APBA1: variants seen among roughly 807,000 people sequenced by gnomAD.
APBA1 encodes amyloid beta precursor protein binding family A member 1.
A neutral mutation model predicts 86.6 loss-of-function variants in APBA1; 55 were observed. That is an observed-to-expected ratio of 0.64 (90% CI 0.51 to 0.80). The LOEUF is 0.80. APBA1 is among the 30% of genes least tolerant of loss of function. APBA1 has a pLI of 0.00. For missense variants in APBA1, 1,090 were observed against 1,183.0 expected, an observed-to-expected ratio of 0.92 and a Z score of 1.15; for synonymous variants, 511 against 493.9, an observed-to-expected ratio of 1.03 and a Z score of -0.46.
At chr9:69,599,495 A>G (rs1288711263) in intron 1 of APBA1, among the ~76,000 whole-genome samples, 2 of 152,196 alleles carry the variant, frequency 1.3e-5, no homozygotes, top group African/African-American at 4.8e-5. Flanking sequence ...ACACTCTCAC[A>G]TACTCCCTCC....
intron 1 of APBA1, among the ~76,000 whole-genome samples, chr9:69,588,740 C>T (rs1822071458): frequency 6.6e-6 from 1 of 152,158 alleles, no homozygotes; most frequent in Non-Finnish European, 1.5e-5. Flanking sequence ...TATCATATGG[C>T]AGGCATTATG....
intron 1 of APBA1, among the ~76,000 whole-genome samples, chr9:69,607,407 G>A (rs1822497702): frequency 6.6e-6 from 1 of 151,994 alleles, no homozygotes; most frequent in Non-Finnish European, 1.5e-5. Flanking sequence ...CTCCCACCAG[G>A]TCCCTCCCAT....
At chr9:69,485,491 A>T (rs1431907392) in intron 2 of APBA1, among the ~76,000 whole-genome samples, 2 of 152,122 alleles carry the variant, frequency 1.3e-5, no homozygotes, top group African/African-American at 4.8e-5. Flanking sequence ...ATGAAATGTG[A>T]TAGAAAAAGT....
chr9:69,634,430 G>T (rs1823114158), intron 1 of APBA1, among the ~76,000 whole-genome samples: 1 of 152,118 alleles, frequency 6.6e-6, no homozygotes, highest in Admixed American at 6.6e-5. Context: ...AGTGTTCTGA[G>T]GTCCTAAATA....
chr9:69,530,329 TACACAC>T (rs1215038586), intron 1 of APBA1, among the ~76,000 whole-genome samples: 3,498 of 127,426 alleles, frequency 0.027, 110 homozygotes, highest in African/African-American at 0.085. Flanking sequence ...TATATATATA[TACACAC>T]ACACACACAC....
chr9:69,463,479 A>G (rs529184938), intron 5 of APBA1: 19 of 152,344 alleles, frequency 1.2e-4, no homozygotes, highest in Admixed American at 5.9e-4. Context: ...CAAAACCCCA[A>G]GTCCAAATCC....
chr9:69,449,983 G>C (rs770525021), intron 9 of APBA1, among the ~76,000 whole-genome samples, 187 bp from the exon 10 acceptor site: 3 of 149,712 alleles, frequency 2.0e-5, no homozygotes, highest in Admixed American at 6.7e-5. Flanking sequence ...ATTCACACAG[G>C]TCTACACTCT....
At chr9:69,444,413 G>A (rs762626491) in intron 10 of APBA1, among the ~76,000 whole-genome samples, 2 of 152,214 alleles carry the variant, frequency 1.3e-5, no homozygotes, top group African/African-American at 2.4e-5. Context: ...ACAGCCTGGT[G>A]AAGAGGACTC....
At chr9:69,571,639 T>C (rs764781168) in intron 1 of APBA1, among the ~76,000 whole-genome samples, 1 of 152,248 alleles carries the variant, frequency 6.6e-6, no homozygotes, top group African/African-American at 2.4e-5. Context: ...CTATAACAAA[T>C]ATTTATCATT....
intron 1 of APBA1, among the ~76,000 whole-genome samples, chr9:69,591,007 A>G (rs942952374): frequency 5.3e-5 from 8 of 152,202 alleles, no homozygotes; most frequent in African/African-American, 1.7e-4. Context: ...CACTGTTGCC[A>G]TGACTCCAAG....
intron 5 of APBA1, among the ~76,000 whole-genome samples, chr9:69,466,373 G>A (rs567646801): frequency 1.2e-4 from 19 of 152,314 alleles, no homozygotes; most frequent in Middle Eastern, 3.4e-3. Context: ...CGTGACTAAC[G>A]TAAGAATCAG....
chr9:69,636,922 G>A (rs11139555), intron 1 of APBA1, among the ~76,000 whole-genome samples: 136 of 63,890 alleles, frequency 2.1e-3, no homozygotes, highest in Middle Eastern at 7.9e-3. Flanking sequence ...AAGGAAGGAA[G>A]GAAAGAAAGA....
intron 11 of APBA1, among the ~76,000 whole-genome samples, chr9:69,440,216 G>A (rs926075545): frequency 2.0e-5 from 3 of 152,198 alleles, no homozygotes; most frequent in African/African-American, 7.2e-5. Flanking sequence ...TCCCAGTTAG[G>A]CTACTCAGGG....
intron 2 of APBA1, among the ~76,000 whole-genome samples, chr9:69,499,608 A>G (rs1835850525): frequency 6.6e-6 from 1 of 151,504 alleles, no homozygotes; most frequent in Admixed American, 6.6e-5. Flanking sequence ...GGCTCTAACA[A>G]GTCTTAATGA....
chr9:69,522,486 C>T (rs1836269044), intron 1 of APBA1, among the ~76,000 whole-genome samples: 1 of 152,150 alleles, frequency 6.6e-6, no homozygotes, highest in South Asian at 2.1e-4. Context: ...CAACATTCTC[C>T]TGCATCTGAG....
intron 2 of APBA1, among the ~76,000 whole-genome samples, chr9:69,497,746 C>A (rs543276660): frequency 6.6e-6 from 1 of 152,200 alleles, no homozygotes; most frequent in East Asian, 1.9e-4. Context: ...CTGACATAGC[C>A]CCCTGCACCA....
At chr9:69,658,241 T>C (rs1588415920) in intron 1 of APBA1, among the ~76,000 whole-genome samples, 2 of 19,238 alleles carry the variant, frequency 1.0e-4, no homozygotes. Context: ...TCTTTCTTTC[T>C]TTCTTTCTTT....
chr9:69,457,390 C>T (rs1835116934), intron 6 of APBA1, among the ~76,000 whole-genome samples: 2 of 152,170 alleles, frequency 1.3e-5, no homozygotes, highest in Admixed American at 1.3e-4. Flanking sequence ...AGCAGTAACT[C>T]ACTGCAGTAG....
intron 1 of APBA1, among the ~76,000 whole-genome samples, chr9:69,619,822 C>T (rs552202113): frequency 6.6e-6 from 1 of 152,260 alleles, no homozygotes; most frequent in Admixed American, 6.5e-5. Flanking sequence ...TCAGACTGCC[C>T]CCACATATGT....
Sources: allele counts gnomAD v4.1 joint callset (sites outside exome capture counted in the v4.1 genomes callset), GRCh38; gene constraint gnomAD v4.1.1; transcripts MANE v1.5; gene names NCBI Gene and HGNC (gene_info 2026-07-23, HGNC 2026-07-21).